The following UBE4B variants were observed in gnomAD, a reference collection of about 807,000 sequenced individuals.
UBE4B encodes the protein ubiquitin conjugation factor E4 B.
UBE4B carries 27 observed loss-of-function variants against 148.1 expected under a neutral mutation model. That is an observed-to-expected ratio of 0.18 (90% CI 0.13 to 0.25). The LOEUF (loss-of-function observed/expected upper bound fraction) is 0.25. Among genes scored for constraint, UBE4B ranks in the 10% least tolerant of loss-of-function variants. The pLI is 1.00. For missense variants in UBE4B, 1,170 were observed against 1,662.4 expected, an observed-to-expected ratio of 0.70 and a Z score of 5.15; for synonymous variants, 596 against 619.3, an observed-to-expected ratio of 0.96 and a Z score of 0.56.
At chr1:10,166,134 C>G (rs542192290) in intron 23 of UBE4B, 3 of 152,344 alleles carry the variant, frequency 2.0e-5, no homozygotes, top group Non-Finnish European at 4.4e-5. Flanking sequence ...GGGCACTCAC[C>G]GGCCAGCTTC....
Position 10,102,146 on chromosome 1 carries a change from C to T in UBE4B, c.436-802C>T, listed in dbSNP as rs112962165. 4.7e-3 allele frequency among the ~76,000 whole-genome samples: 714 copies of T among 152,074 alleles called. 8 individuals carry two copies. Among genetic ancestry groups the T allele is most frequent in the African/African-American group, 0.016 (673 of 41,494 alleles). On this transcript the variant is annotated intron_variant, in intron 4 of 27. Transcript: ENST00000343090. ...AAAATAAGAAGTTGCACTGTAGCCT[C>T]CTAGTGGTGCAGTGCTTTATTTTGT... is the stretch of plus-strand genomic sequence containing the variant.
Position 10,161,320 on chromosome 1 carries a change from G to T in UBE4B, c.3198+34G>T, listed in dbSNP as rs375348087. On this transcript the variant is annotated intron_variant, in intron 23 of 27. Coordinates refer to ENST00000343090, the MANE Select transcript of UBE4B (RefSeq NM_001105562.3). This position sits in a 1 kb window ranked among gnomAD's most constrained non-coding sequence, Gnocchi z 4.1. ...GTGGTCCAGAGGCTTGGACAGCTTT[G>T]CAGGCCATCTGCCTCCACACACGGG... is the stretch of plus-strand genomic sequence containing the variant. 4 of 1,604,456 alleles carry T rather than the reference G, an allele frequency of 2.5e-6. No homozygotes were observed. The African/African-American group carries it at 5.4e-5, about 21-fold the overall frequency.
At position 10,046,897 on chromosome 1, in the gene UBE4B, C is replaced by T. The variant is rs548009672; in HGVS notation, c.24+13203C>T. Among the ~76,000 whole-genome samples, 10 of 152,286 alleles carry T rather than the reference C, an allele frequency of 6.6e-5. No homozygotes were observed. The East Asian group carries it at 1.5e-3, about 24-fold the overall frequency. On this transcript the variant is annotated intron_variant, in intron 1 of 27. Transcript: ENST00000343090. ...CTGTATTCCCTTTCATCTTTGCATG[C>T]GAATTGGCAAGCTTTGGCTTGAGTC...
Position 10,130,565 on chromosome 1 carries a change from ACT to A in UBE4B, c.1766_1767del (p.Ser589LeufsTer7). 6.2e-7 allele frequency: 1 copy of A among 1,613,896 alleles called. No individual in the cohort carries two copies. The highest frequency in any genetic ancestry group is 8.5e-7 in the Non-Finnish European group (1 of 1,179,978). ...CTGGCTGTGGGCGGGAGCTGCAGAG[ACT>A]CTCTTACTTAGGGGCTTTCTTTAGC... ...SPGCGRELQR[L>X]SYLGAFFSFS... On this transcript the variant is annotated frameshift_variant, in exon 13 of 28. Transcript: ENST00000343090. LOFTEE classifies it high-confidence loss of function.
At chr1:10,079,056 C>T (rs1041696843) in intron 2 of UBE4B, among the ~76,000 whole-genome samples, 3 of 151,996 alleles carry the variant, frequency 2.0e-5, no homozygotes, top group Non-Finnish European at 4.4e-5. Context: ...TGGCCTCAAG[C>T]GATCTTCCTG....
intron 2 of UBE4B, among the ~76,000 whole-genome samples, chr1:10,077,215 GAATCCTTTCTTCT>G (rs1644599595): frequency 6.6e-6 from 1 of 152,128 alleles, no homozygotes; most frequent in African/African-American, 2.4e-5. Flanking sequence ...AATAAGGGGA[GAATCCTTTCTTCT>G]GCCTTCCGAT....
chr1:10,167,495 T>C (rs1283439547), intron 23 of UBE4B, among the ~76,000 whole-genome samples: 1 of 149,822 alleles, frequency 6.7e-6, no homozygotes, highest in Non-Finnish European at 1.5e-5. Flanking sequence ...AAGTTATTAT[T>C]AAGGGAAATA....
chr1:10,124,851 C>A (rs1239252978), intron 10 of UBE4B, among the ~76,000 whole-genome samples: 1 of 152,148 alleles, frequency 6.6e-6, no homozygotes, highest in Admixed American at 6.6e-5. Flanking sequence ...TCAGGCCAGG[C>A]ATGGTGGCTC....
intron 7 of UBE4B, among the ~76,000 whole-genome samples, chr1:10,115,499 A>G (rs185943129): frequency 1.3e-5 from 2 of 150,946 alleles, no homozygotes; most frequent in Non-Finnish European, 3.0e-5. Context: ...TCCAACTCCT[A>G]TACCTCAAGT....
At chr1:10,045,037 C>T (rs1643885169) in intron 1 of UBE4B, among the ~76,000 whole-genome samples, 1 of 152,168 alleles carries the variant, frequency 6.6e-6, no homozygotes. Flanking sequence ...GATCATCAGG[C>T]ATTGGATTCT....
intron 21 of UBE4B, among the ~76,000 whole-genome samples, chr1:10,153,643 A>C (rs976405484): frequency 4.6e-5 from 7 of 152,122 alleles, no homozygotes; most frequent in African/African-American, 1.7e-4. Context: ...AAAATGGTGA[A>C]TCCTAGTCTC....
chr1:10,153,490 T>TAAAAAAAAAAA (rs1045427991), intron 21 of UBE4B, among the ~76,000 whole-genome samples: 26 of 49,216 alleles, frequency 5.3e-4, no homozygotes, highest in African/African-American at 2.1e-3. Context: ...ACCCTGTTTC[T>TAAAAAAAAAAA]AAAAAAAAAA....
intron 1 of UBE4B, among the ~76,000 whole-genome samples, chr1:10,065,764 A>G (rs1644375394): frequency 6.6e-6 from 1 of 152,192 alleles, no homozygotes; most frequent in Non-Finnish European, 1.5e-5. Flanking sequence ...AAATTCTGTG[A>G]AAGAAGAAAG....
chr1:10,064,109 G>A (rs768379767), intron 1 of UBE4B, among the ~76,000 whole-genome samples: 5 of 152,084 alleles, frequency 3.3e-5, no homozygotes, highest in East Asian at 1.9e-4. Context: ...ACTACTCAGC[G>A]TTCCCTAAAC....
chr1:10,081,267 T>A (rs1644675442), intron 2 of UBE4B, among the ~76,000 whole-genome samples: 1 of 148,850 alleles, frequency 6.7e-6, no homozygotes, highest in African/African-American at 2.5e-5. Context: ...TCTATGTTGG[T>A]CAGGCTGGTC....
chr1:10,129,993 A>G (rs1027129043), intron 12 of UBE4B, among the ~76,000 whole-genome samples: 23 of 151,782 alleles, frequency 1.5e-4, no homozygotes, highest in African/African-American at 5.3e-4. Context: ...CTAAACTAAC[A>G]AGAGGTATGG....
At position 10,161,078 on chromosome 1, in the gene UBE4B, G is replaced by C. The variant is rs114631287; in HGVS notation, c.3054-64G>C. On this transcript the variant is annotated intron_variant, in intron 22 of 27. Transcript: ENST00000343090. The surrounding 1 kb of genome is among the most constrained non-coding windows in gnomAD (Gnocchi z 4.1). ...CTGGGTGGAGGTGCTTGTTCCCTGG[G>C]ATTTGCTGTGGCATTTTGCTTCAGG... 35,197 of 1,575,988 alleles carry C rather than the reference G, an allele frequency of 0.022. 494 individuals carry two copies. The highest frequency in any genetic ancestry group is 0.027 in the Non-Finnish European group (30,948 of 1,154,728).
intron 21 of UBE4B, among the ~76,000 whole-genome samples, chr1:10,152,399 C>T (rs955165619): frequency 6.6e-6 from 1 of 151,808 alleles, no homozygotes; most frequent in African/African-American, 2.4e-5. Context: ...CTTAATCTAC[C>T]CTATAGCCAG....
chr1:10,040,762 C>T (rs970650547), intron 1 of UBE4B, among the ~76,000 whole-genome samples: 16 of 152,026 alleles, frequency 1.1e-4, no homozygotes, highest in African/African-American at 2.9e-4. Flanking sequence ...GGATTACAAG[C>T]ATGTACCACC....
Sources: gnomAD v4.1 joint callset for allele counts (sites outside exome capture counted in the v4.1 genomes callset) on GRCh38, gnomAD v4.1.1 for gene constraint, Gnocchi (gnomAD v3.1) non-coding constraint, MANE v1.5 for transcripts, NCBI Gene and HGNC (gene_info 2026-07-23, HGNC 2026-07-21) for gene names.